The following WASF2 variants were observed in gnomAD, a reference collection of about 807,000 sequenced individuals.
The protein encoded by WASF2 is actin-binding protein WASF2.
Under a neutral mutation model 45.0 loss-of-function variants are expected in WASF2, and 14 were observed. The observed-to-expected ratio is 0.31, with a 90% confidence interval of 0.21 to 0.49. WASF2 has a LOEUF of 0.49. Among genes scored for constraint, WASF2 ranks in the 20% least tolerant of loss-of-function variants. WASF2 has a pLI of 0.99. For missense variants in WASF2, 439 were observed against 636.1 expected (o/e 0.69, Z 3.33); for synonymous variants, 200 against 236.3 (o/e 0.85, Z 1.41).
Position 27,488,074 on chromosome 1 carries a change from T to C in WASF2, c.-44+1912A>G, listed in dbSNP as rs1243322005. ...ACAGTTCTTTCCTTCCTTCCTCCTG[T>C]AGTTGCTGCTTTTCTGGTTTTAGAA... is the stretch of plus-strand genomic sequence containing the variant. On this transcript the variant is annotated intron_variant, in intron 1 of 8. Transcript: ENST00000618852. Among the ~76,000 whole-genome samples the C allele has an allele frequency of 7.2e-5, 11 of 152,078 alleles. No homozygotes were observed. In the East Asian group the frequency reaches 2.1e-3, roughly 29 times the overall value.
chr1:27,461,195 A>G (rs2017539506), intron 1 of WASF2, among the ~76,000 whole-genome samples: 1 of 152,196 alleles, frequency 6.6e-6, no homozygotes, highest in South Asian at 2.1e-4. Context: ...TTTATTTTGA[A>G]ATAATTGCAA....
Position 27,416,015 on chromosome 1 carries a change from C to T in WASF2, c.507G>A (p.Lys169=). 1 of 1,614,036 alleles carries T rather than the reference C, an allele frequency of 6.2e-7. No individual in the cohort carries two copies. Among genetic ancestry groups the T allele is most frequent in the Non-Finnish European group, 8.5e-7 (1 of 1,179,968 alleles). The change falls in exon 5 of 9, where the codon AAG becomes AAA. Residue 169 remains lysine, a synonymous_variant. Coordinates refer to ENST00000618852, the MANE Select transcript of WASF2 (RefSeq NM_006990.5). ...LWKEKMLQDT[K]DIMKEKRKHR... ...GCTTTCTCTTCTCTTTCATGATATC[C>T]TTGGTGTCCTGCAGCATCTTCTCCT...
intron 1 of WASF2, among the ~76,000 whole-genome samples, chr1:27,452,843 A>T (rs1030476439): frequency 6.6e-6 from 1 of 150,710 alleles, no homozygotes; most frequent in Non-Finnish European, 1.5e-5. Flanking sequence ...ACAAAAATTT[A>T]AAAATTAAAA....
At chr1:27,427,566 T>C (rs2504771) in intron 2 of WASF2, among the ~76,000 whole-genome samples, 116,030 of 152,136 alleles carry the variant, frequency 0.76, 47,168 homozygotes, top group Non-Finnish European at 0.9. Context: ...CAGGGTTTCA[T>C]TTCTTCATGA....
At chr1:27,487,015 T>C (rs2017937486) in intron 1 of WASF2, among the ~76,000 whole-genome samples, 2 of 147,292 alleles carry the variant, frequency 1.4e-5, no homozygotes, top group Non-Finnish European at 3.0e-5. Flanking sequence ...ATTTATATAT[T>C]ATATATAAAT....
chr1:27,460,772 A>C (rs930853529), intron 1 of WASF2, among the ~76,000 whole-genome samples: 3 of 152,220 alleles, frequency 2.0e-5, no homozygotes, highest in Admixed American at 6.5e-5. Flanking sequence ...AATTCAGAAC[A>C]TGAATTCTGA....
intron 1 of WASF2, among the ~76,000 whole-genome samples, chr1:27,464,719 T>C (rs1194449570): frequency 6.6e-6 from 1 of 152,152 alleles, no homozygotes; most frequent in Admixed American, 6.6e-5. Context: ...AGCTTACTTT[T>C]ATATTTATTT....
intron 1 of WASF2, among the ~76,000 whole-genome samples, chr1:27,458,520 G>A (rs936895489): frequency 1.1e-4 from 16 of 151,974 alleles, no homozygotes; most frequent in East Asian, 3.9e-4. Flanking sequence ...AAATTAGGTC[G>A]GGGGCAGTGG....
chr1:27,409,229 C>T (rs918388096), intron 8 of WASF2, among the ~76,000 whole-genome samples: 15 of 151,570 alleles, frequency 9.9e-5, no homozygotes, highest in Non-Finnish European at 8.8e-5. Context: ...TCAAGACCAT[C>T]CTGGCTAACA....
rs146116380 is a variant in WASF2, at chr1:27,407,147, T to C, written c.*1042A>G. ...CCCCAACCTATGGTGAGGTCTGGAGTAGCAATACAACTGAGAAAGCTCTGC... is the reference window on the plus strand; with the variant it reads ...CCCCAACCTATGGTGAGGTCTGGAGCAGCAATACAACTGAGAAAGCTCTGC... On this transcript the variant is annotated 3_prime_UTR_variant, in exon 9 of 9. Transcript: ENST00000618852. The C allele has an allele frequency of 6.6e-6, 1 of 152,372 alleles. No homozygotes were observed. Among genetic ancestry groups the C allele is most frequent in the Non-Finnish European group, 1.5e-5 (1 of 68,018 alleles). 9.4% of individuals were successfully genotyped at this position (152,372 alleles called of 1,614,324 possible).
At chr1:27,456,183 G>C (rs183856289) in intron 1 of WASF2, among the ~76,000 whole-genome samples, 1 of 151,832 alleles carries the variant, frequency 6.6e-6, no homozygotes, top group Non-Finnish European at 1.5e-5. Context: ...TTAGCCAGGC[G>C]TGGTGGCGGG....
At chr1:27,445,566 G>A (rs2017299617) in intron 1 of WASF2, among the ~76,000 whole-genome samples, 1 of 152,212 alleles carries the variant, frequency 6.6e-6, no homozygotes. Flanking sequence ...GTGTTAATGA[G>A]TATAACATAC....
chr1:27,470,747 A>G (rs1245810185), intron 1 of WASF2, among the ~76,000 whole-genome samples: 2 of 152,196 alleles, frequency 1.3e-5, no homozygotes, highest in African/African-American at 2.4e-5. Flanking sequence ...GAAGAACAAA[A>G]TGCTGCCCAG....
At chr1:27,457,620 C>T (rs941089144) in intron 1 of WASF2, among the ~76,000 whole-genome samples, 2 of 150,682 alleles carry the variant, frequency 1.3e-5, no homozygotes, top group Non-Finnish European at 3.0e-5. Flanking sequence ...AATATTGTGA[C>T]CTTTTTTTTT....
At chr1:27,455,472 G>A (rs2017454739) in intron 1 of WASF2, among the ~76,000 whole-genome samples, 2 of 152,154 alleles carry the variant, frequency 1.3e-5, no homozygotes, top group South Asian at 4.1e-4. Context: ...TTAGGGATGT[G>A]AGAAGGGCCG....
chr1:27,412,813 T>C, intron 6 of WASF2, 86 bp from the exon 7 acceptor site: 1 of 1,509,024 alleles, frequency 6.6e-7, no homozygotes, highest in Non-Finnish European at 9.2e-7. Context: ...AAAATGCATT[T>C]GATACAAAAG....
intron 2 of WASF2, among the ~76,000 whole-genome samples, chr1:27,421,290 G>A (rs2016905204): frequency 6.6e-6 from 1 of 152,210 alleles, no homozygotes; most frequent in Non-Finnish European, 1.5e-5. Context: ...TATCATGCTT[G>A]TCTAGGTAAT....
intron 1 of WASF2, among the ~76,000 whole-genome samples, chr1:27,442,414 C>T (rs1209148996): frequency 1.3e-5 from 2 of 150,330 alleles, no homozygotes; most frequent in African/African-American, 2.4e-5. Flanking sequence ...CGTGGTGGCA[C>T]GTGCCTGTAG....
chr1:27,475,284 T>A (rs1176101503), intron 1 of WASF2, among the ~76,000 whole-genome samples: 1 of 152,196 alleles, frequency 6.6e-6, no homozygotes, highest in East Asian at 1.9e-4. Context: ...TTAACAGTCC[T>A]AAAAAGCTTT....
Sources: allele counts gnomAD v4.1 joint callset (sites outside exome capture counted in the v4.1 genomes callset), GRCh38; gene constraint gnomAD v4.1.1; transcripts MANE v1.5; gene names NCBI Gene and HGNC (gene_info 2026-07-23, HGNC 2026-07-21).